The following PTGR2 variants were observed in gnomAD, a reference collection of about 807,000 sequenced individuals.
PTGR2 encodes 15-oxoprostaglandin 13-reductase.
PTGR2 carries 32 observed loss-of-function variants against 43.4 expected under a neutral mutation model. The ratio of observed to expected loss-of-function variants is 0.74; its 90% CI spans 0.56 to 0.99. The LOEUF (loss-of-function observed/expected upper bound fraction) is 0.99. Among genes scored for constraint, PTGR2 ranks in the 50% least tolerant of loss-of-function variants. The pLI is 0.00. For synonymous variants in PTGR2, 106 were observed against 139.2 expected, an observed-to-expected ratio of 0.76 and a Z score of 1.68; for missense variants, 373 against 420.0, an observed-to-expected ratio of 0.89 and a Z score of 0.98.
chr14:73,871,243 G>A lies in PTGR2; in HGVS notation c.157-2780G>A, dbSNP rs556689884. ...GAGTTTCCAAATAGCTGAACACATG[G>A]TGATTCCTGTAGGGTGGTGCACCTG... On this transcript the variant is annotated intron_variant, in intron 3 of 9. Coordinates refer to ENST00000555661, the MANE Select transcript of PTGR2 (RefSeq NM_001146154.2). Among the ~76,000 whole-genome samples, 23 of 151,838 alleles carry A rather than the reference G, an allele frequency of 1.5e-4. No individual in the cohort carries two copies. The East Asian group carries it at 4.1e-3, about 27-fold the overall frequency.
chr14:73,866,351 AT>A (rs1318516994), intron 3 of PTGR2, among the ~76,000 whole-genome samples: 14 of 151,198 alleles, frequency 9.3e-5, no homozygotes, highest in African/African-American at 3.2e-4. Flanking sequence ...GTTGGCCAGG[AT>A]GGTCTTGATC....
chr14:73,882,275 A>G (rs973515036), intron 8 of PTGR2, 124 bp from the exon 9 acceptor site: 23 of 663,742 alleles, frequency 3.5e-5, no homozygotes, highest in African/African-American at 5.5e-5. Flanking sequence ...ACCTACATGA[A>G]ATAAAGAATA....
intron 1 of PTGR2, among the ~76,000 whole-genome samples, chr14:73,854,918 G>T (rs562251058): frequency 1.3e-5 from 2 of 152,202 alleles, no homozygotes; most frequent in Non-Finnish European, 2.9e-5. Flanking sequence ...GTAACTAGCA[G>T]TCATGGATAA....
chr14:73,877,264 A>C, intron 5 of PTGR2, 96 bp downstream of exon 5: 1 of 1,151,374 alleles, frequency 8.7e-7, no homozygotes, highest in Admixed American at 2.4e-5. Context: ...TTAAAAATAT[A>C]AAATTGGATA....
intron 6 of PTGR2, 101 bp from the exon 7 acceptor site, chr14:73,879,954 T>G: frequency 8.2e-7 from 1 of 1,214,636 alleles, no homozygotes; most frequent in Admixed American, 2.1e-5. Context: ...TCGAACTAGT[T>G]GACAGAAAGG....
intron 1 of PTGR2, among the ~76,000 whole-genome samples, chr14:73,854,346 C>T (rs2054297137): frequency 6.6e-6 from 1 of 152,152 alleles, no homozygotes; most frequent in African/African-American, 2.4e-5. Flanking sequence ...AAGTGATCCA[C>T]CTGCCTCAGC....
intron 4 of PTGR2, among the ~76,000 whole-genome samples, chr14:73,876,610 G>C (rs2054871913): frequency 6.6e-6 from 1 of 151,380 alleles, no homozygotes; most frequent in Admixed American, 6.6e-5. Flanking sequence ...TGAGTAGCTG[G>C]GATTACAGGC....
intron 1 of PTGR2, 182 bp downstream of exon 1, chr14:73,852,125 T>G (rs2054240366): frequency 1.3e-5 from 2 of 152,236 alleles, no homozygotes; most frequent in Non-Finnish European, 2.9e-5. Context: ...AAGCAGGTTT[T>G]GGGGTTTTTT....
At chr14:73,856,591 T>A (rs556895124) in intron 1 of PTGR2, among the ~76,000 whole-genome samples, 452 of 152,270 alleles carry the variant, frequency 3.0e-3, no homozygotes, top group Non-Finnish European at 4.7e-3. Flanking sequence ...CTGTACTTTT[T>A]CTATGTTTAG....
Position 73,877,104 on chromosome 14 carries a change from C to A in PTGR2, c.455C>A (p.Ala152Asp). The change falls in exon 5 of 10, where the codon GCT (alanine) becomes GAT (aspartate). Residue 152 changes from alanine to aspartate, a missense_variant. Coordinates refer to ENST00000555661, the MANE Select transcript of PTGR2 (RefSeq NM_001146154.2). Reference protein sequence around the residue: ...IGIQEKGHITAGSNKTMVVSG... With the variant: ...IGIQEKGHITDGSNKTMVVSG... ...ATACAGGAAAAAGGTCATATAACTG[C>A]TGGATCTAATAAGACAATGGTTGTC... The A allele has an allele frequency of 6.2e-7, 1 of 1,614,042 alleles. No homozygotes were observed. Among genetic ancestry groups the A allele is most frequent in the Non-Finnish European group, 8.5e-7 (1 of 1,179,956 alleles).
intron 4 of PTGR2, among the ~76,000 whole-genome samples, chr14:73,875,861 G>A (rs192490889): frequency 6.1e-4 from 69 of 112,828 alleles, no homozygotes; most frequent in Admixed American, 2.8e-3. Context: ...TTGCTTTGTC[G>A]CCCAGGCTGG....
chr14:73,857,672 T>G (rs1307939855), intron 1 of PTGR2, among the ~76,000 whole-genome samples: 1 of 122,310 alleles, frequency 8.2e-6, no homozygotes, highest in African/African-American at 3.0e-5. Flanking sequence ...GTGTTTTTTT[T>G]TTTTTTTTTT....
intron 3 of PTGR2, among the ~76,000 whole-genome samples, chr14:73,864,353 T>C (rs2054556954): frequency 6.6e-6 from 1 of 152,228 alleles, no homozygotes; most frequent in Non-Finnish European, 1.5e-5. Flanking sequence ...GTTTAACCTT[T>C]TGAGGAACTA....
chr14:73,882,122 G>C (rs1344290036), intron 8 of PTGR2, among the ~76,000 whole-genome samples: 2 of 152,088 alleles, frequency 1.3e-5, no homozygotes, highest in Non-Finnish European at 2.9e-5. Flanking sequence ...GATAAGCAAA[G>C]TTGTACCTTT....
intron 1 of PTGR2, among the ~76,000 whole-genome samples, chr14:73,857,582 C>T (rs528131276): frequency 6.7e-6 from 1 of 150,106 alleles, no homozygotes; most frequent in Non-Finnish European, 1.5e-5. Flanking sequence ...CCACTGCACT[C>T]CAGCTTGGGT....
intron 4 of PTGR2, among the ~76,000 whole-genome samples, chr14:73,874,999 T>C (rs11159043): frequency 0.49 from 74,352 of 151,782 alleles, 18,417 homozygotes; most frequent in South Asian, 0.61. Context: ...GCTGGGATTA[T>C]AGGTGTGCAC....
chr14:73,881,358 A>G, intron 8 of PTGR2, 66 bp downstream of exon 8: 1 of 973,404 alleles, frequency 1.0e-6, no homozygotes. Context: ...CATTATTTAA[A>G]TGTACTATAG....
Position 73,862,869 on chromosome 14 carries a change from G to A in PTGR2, c.156+2212G>A, listed in dbSNP as rs187067088. ...ACCACAGGTATGCACCACCACACCC[G>A]GCTAATTTTTTTGTTTTTTGTAGAG... On this transcript the variant is annotated intron_variant, in intron 3 of 9. Coordinates refer to ENST00000555661, the MANE Select transcript of PTGR2 (RefSeq NM_001146154.2). Among the ~76,000 whole-genome samples, 668 of 151,858 alleles carry A rather than the reference G, an allele frequency of 4.4e-3. 5 individuals are homozygous for A. Among genetic ancestry groups the A allele is most frequent in the African/African-American group, 0.015 (635 of 41,384 alleles).
chr14:73,879,022 T>G (rs1003976176), intron 5 of PTGR2, 74 bp from the exon 6 acceptor site: 39 of 1,198,590 alleles, frequency 3.3e-5, no homozygotes, highest in Non-Finnish European at 4.5e-5. Context: ...ACCTGTAATA[T>G]CTTGTATACT....
Sources: allele counts gnomAD v4.1 joint callset (sites outside exome capture counted in the v4.1 genomes callset), GRCh38; gene constraint gnomAD v4.1.1; transcripts MANE v1.5; gene names NCBI Gene and HGNC (gene_info 2026-07-23, HGNC 2026-07-21).